The following MBD2 variants were observed in gnomAD, a reference collection of about 807,000 sequenced individuals.
MBD2 encodes methyl-CpG-binding domain protein 2.
In MBD2, 9 loss-of-function variants were observed where a neutral mutation model predicts 39.3. The ratio of observed to expected loss-of-function variants is 0.23; its 90% CI spans 0.14 to 0.40. MBD2 has a LOEUF of 0.40. Among genes scored for constraint, MBD2 ranks in the 10% least tolerant of loss-of-function variants. MBD2 has a pLI of 1.00. For missense variants in MBD2, 458 were observed against 532.6 expected (o/e 0.86, Z 1.38); for synonymous variants, 233 against 211.1 (o/e 1.10, Z -0.90).
Position 54,166,132 on chromosome 18 carries a change from G to A in MBD2, c.875C>T (p.Ala292Val). Reference sequence around the variant, plus strand: ...TATAATTTGTTCTGTTACATCTGATGCACTAAGTCCTTGTAGCCTCTTCTC... The same window carrying A: ...TATAATTTGTTCTGTTACATCTGATACACTAAGTCCTTGTAGCCTCTTCTC... ...FWEKRLQGLS[A>V]SDVTEQIIKT... Residue 292 changes from alanine (A) to valine (V), a missense_variant, in exon 4 of 7, where the codon GCA becomes GTA. Physicochemically the swap from Ala to Val is moderately conservative, Grantham distance 64 (BLOSUM62 0). Around this residue, in one of 2 missense-constraint regions of MBD2, gnomAD observed 189 missense variants for 296.6 expected, o/e 0.64. Transcript: ENST00000256429. 1 of 1,613,724 alleles carries A rather than the reference G, an allele frequency of 6.2e-7. No homozygotes were observed. Among genetic ancestry groups the A allele is most frequent in the South Asian group, 1.1e-5 (1 of 91,062 alleles).
intron 3 of MBD2, among the ~76,000 whole-genome samples, chr18:54,185,825 A>G (rs188213094): frequency 6.6e-6 from 1 of 152,216 alleles, no homozygotes; most frequent in African/African-American, 2.4e-5. Context: ...CCCTATTATA[A>G]CTAGGTTTTA....
At chr18:54,190,654 A>G (rs1253222062) in intron 2 of MBD2, among the ~76,000 whole-genome samples, 5 of 152,334 alleles carry the variant, frequency 3.3e-5, no homozygotes, top group East Asian at 1.9e-4. Flanking sequence ...GTGACCAGAA[A>G]TATGCCACAG....
At chr18:54,211,683 T>A (rs2086509032) in intron 1 of MBD2, among the ~76,000 whole-genome samples, 1 of 152,102 alleles carries the variant, frequency 6.6e-6, no homozygotes, top group African/African-American at 2.4e-5. Flanking sequence ...CAGGTCTAAA[T>A]CACTATGATA....
intron 3 of MBD2, among the ~76,000 whole-genome samples, chr18:54,173,833 C>T (rs1441714504): frequency 6.6e-6 from 1 of 152,154 alleles, no homozygotes; most frequent in African/African-American, 2.4e-5. Flanking sequence ...CAGAATTTTG[C>T]TCTATTTAAA....
chr18:54,176,904 T>C (rs2086215869), intron 3 of MBD2, among the ~76,000 whole-genome samples: 1 of 152,206 alleles, frequency 6.6e-6, no homozygotes, highest in South Asian at 2.1e-4. Flanking sequence ...CTAAACAGGA[T>C]AGATGAATAA....
intron 3 of MBD2, among the ~76,000 whole-genome samples, chr18:54,181,463 G>C (rs1451332993): frequency 1.3e-5 from 2 of 151,974 alleles, no homozygotes; most frequent in Non-Finnish European, 2.9e-5. Context: ...TCTTCATATA[G>C]GCAGAGCTGA....
At chr18:54,162,765 CA>C (rs2086106173) in intron 5 of MBD2, among the ~76,000 whole-genome samples, 1 of 152,188 alleles carries the variant, frequency 6.6e-6, no homozygotes, top group African/African-American at 2.4e-5. Context: ...ATTGATTTTA[CA>C]TTTTGTTTTC....
chr18:54,209,593 G>A (rs1379546996), intron 1 of MBD2, among the ~76,000 whole-genome samples: 4 of 152,076 alleles, frequency 2.6e-5, no homozygotes, highest in Non-Finnish European at 5.9e-5. Flanking sequence ...TTTCTTCTCC[G>A]TAACTGCTAC....
chr18:54,177,927 A>G (rs1210487918), intron 3 of MBD2, among the ~76,000 whole-genome samples: 2 of 146,384 alleles, frequency 1.4e-5, no homozygotes, highest in African/African-American at 5.1e-5. Flanking sequence ...GCAACCTGCA[A>G]CTCCGGGGCT....
intron 2 of MBD2, among the ~76,000 whole-genome samples, chr18:54,195,241 A>G (rs1160696347): frequency 6.6e-6 from 1 of 152,004 alleles, no homozygotes; most frequent in Non-Finnish European, 1.5e-5. Flanking sequence ...TTTTTTCAGT[A>G]TGGCTTTGAA....
chr18:54,163,122 A>G (rs1471714716), intron 5 of MBD2, among the ~76,000 whole-genome samples: 2 of 152,150 alleles, frequency 1.3e-5, no homozygotes, highest in African/African-American at 4.8e-5. Flanking sequence ...AAATAAAAAA[A>G]TTAGCTGGGT....
intron 5 of MBD2, among the ~76,000 whole-genome samples, chr18:54,161,116 C>T (rs1188170574): frequency 1.3e-5 from 2 of 152,144 alleles, no homozygotes; most frequent in African/African-American, 2.4e-5. Context: ...TCCATAGGGG[C>T]TCAACCAGCT....
At chr18:54,187,805 T>C (rs1397652608) in intron 3 of MBD2, 2 of 985,758 alleles carry the variant, frequency 2.0e-6, no homozygotes, top group Non-Finnish European at 2.4e-6. Context: ...TGATCCAATG[T>C]GGCTCCAAAT....
intron 6 of MBD2, among the ~76,000 whole-genome samples, chr18:54,158,190 T>C (rs1599072201): frequency 6.6e-6 from 1 of 151,116 alleles, no homozygotes. Flanking sequence ...ACCCACACAT[T>C]CCCCCCACCC....
intron 2 of MBD2, among the ~76,000 whole-genome samples, chr18:54,197,236 T>C (rs2086373737): frequency 6.6e-6 from 1 of 152,212 alleles, no homozygotes; most frequent in Non-Finnish European, 1.5e-5. Flanking sequence ...CTTCTGTGTC[T>C]CTACATTTTC....
At chr18:54,210,052 C>T (rs1007141758) in intron 1 of MBD2, among the ~76,000 whole-genome samples, 4 of 152,180 alleles carry the variant, frequency 2.6e-5, no homozygotes, top group South Asian at 4.1e-4. Context: ...ATTATGATTA[C>T]TTCTAATCCC....
At chr18:54,189,415 G>T (rs2086305212) in intron 2 of MBD2, among the ~76,000 whole-genome samples, 1 of 151,724 alleles carries the variant, frequency 6.6e-6, no homozygotes, top group African/African-American at 2.4e-5. Context: ...GTAGAGACGG[G>T]GTTTCACCAT....
At chr18:54,156,167 G>A (rs1290470729) in intron 6 of MBD2, among the ~76,000 whole-genome samples, 14 of 152,104 alleles carry the variant, frequency 9.2e-5, no homozygotes, top group African/African-American at 3.4e-4. Flanking sequence ...GAGTCATGTG[G>A]TCATGCTTTA....
At chr18:54,168,935 C>T (rs1037882264) in intron 3 of MBD2, among the ~76,000 whole-genome samples, 5 of 151,766 alleles carry the variant, frequency 3.3e-5, no homozygotes, top group Admixed American at 2.0e-4. Flanking sequence ...TTTGTTTGGG[C>T]GGGGGACGAG....
Sources: gnomAD v4.1 joint callset for allele counts (sites outside exome capture counted in the v4.1 genomes callset) on GRCh38, gnomAD v4.1.1 for gene constraint, gnomAD v4.1.1 regional missense constraint, MANE v1.5 for transcripts, NCBI Gene and HGNC (gene_info 2026-07-23, HGNC 2026-07-21) for gene names.